The following LIPT1 variants were observed in gnomAD, a reference collection of about 807,000 sequenced individuals.
The protein encoded by LIPT1 is lipoyl amidotransferase LIPT1, mitochondrial.
Under a neutral mutation model 25.1 loss-of-function variants are expected in LIPT1, and 22 were observed. The observed-to-expected ratio is 0.88, with a 90% CI of 0.63 to 1.25. The LOEUF (loss-of-function observed/expected upper bound fraction) is 1.25, where lower values mean the gene tolerates loss of function less well. LIPT1 is among the 50% of genes most tolerant of loss of function. The pLI is 0.00. For missense variants in LIPT1, 399 were observed against 432.8 expected (o/e 0.92, Z 0.69); for synonymous variants, 131 against 150.8 (o/e 0.87, Z 0.96).
In LIPT1 at chr2:99,162,574, C is replaced by T. The variant is rs761830524; in HGVS notation, c.617C>T (p.Ala206Val). The T allele has an allele frequency of 3.7e-6, 6 of 1,614,136 alleles. No individual in the cohort carries two copies. The highest frequency in any genetic ancestry group is 5.1e-6 in the Non-Finnish European group (6 of 1,180,036). ...PYQGIRSNAT[A>V]SIPSLVKNLL... ...CAAGGGATCAGGAGCAATGCCACTG[C>T]TAGCATACCTTCCTTAGTGAAAAAT... The change falls in exon 2 of 2, where the codon GCT becomes GTT. Residue 206 changes from alanine to valine, a missense_variant. By Grantham distance (64) the Ala-to-Val change is moderately conservative (BLOSUM62 0). Transcript: ENST00000651691.
chr2:99,161,003 C>T (rs1174513452), intron 1 of LIPT1, among the ~76,000 whole-genome samples: 1 of 151,744 alleles, frequency 6.6e-6, no homozygotes, highest in Non-Finnish European at 1.5e-5. Context: ...GTGGCTCATG[C>T]CTGTAATCCC....
chr2:99,155,760 G>A (rs552143367), intron 1 of LIPT1, among the ~76,000 whole-genome samples: 5 of 152,354 alleles, frequency 3.3e-5, no homozygotes, highest in Non-Finnish European at 7.3e-5. Context: ...GGGCACACCT[G>A]TGCCAGATGA....
intron 1 of LIPT1, among the ~76,000 whole-genome samples, chr2:99,159,644 T>C (rs529811780): frequency 5.3e-5 from 8 of 152,322 alleles, no homozygotes; most frequent in African/African-American, 1.9e-4. Flanking sequence ...TCTCCTCCCA[T>C]TTTCTATCTC....
intron 1 of LIPT1, among the ~76,000 whole-genome samples, chr2:99,159,592 C>T (rs2093773460): frequency 6.6e-6 from 1 of 152,202 alleles, no homozygotes; most frequent in Non-Finnish European, 1.5e-5. Context: ...TCTTAGCTGC[C>T]TTTTAAAAAG....
chr2:99,162,400 C>T lies in LIPT1; in HGVS notation c.443C>T (p.Ala148Val). Reference sequence around the variant, plus strand: ...GTCCAACCCCAGCTGGATGTGCAGGCTACCAAAAGATTTGACCTTTTACTT... The same window carrying T: ...GTCCAACCCCAGCTGGATGTGCAGGTTACCAAAAGATTTGACCTTTTACTT... ...NAVQPQLDVQ[A>V]TKRFDLLLDG... Residue 148 changes from alanine to valine, a missense_variant, in exon 2 of 2, where the codon GCT (alanine) becomes GTT (valine). Physicochemically the swap from Ala to Val is moderately conservative, Grantham distance 64 (BLOSUM62 0). Coordinates refer to ENST00000651691, the MANE Select transcript of LIPT1 (RefSeq NM_145199.3). 6.2e-7 allele frequency: 1 copy of T among 1,613,944 alleles called. No individual in the cohort carries two copies. The highest frequency in any genetic ancestry group is 2.2e-5 in the East Asian group (1 of 44,890).
Position 99,160,460 on chromosome 2 carries a change from A to G in LIPT1, c.-1-1497A>G, listed in dbSNP as rs1409354762. Among the ~76,000 whole-genome samples the G allele has an allele frequency of 2.0e-5, 3 of 152,224 alleles. No homozygotes were observed. In the East Asian group the frequency reaches 5.8e-4, roughly 29 times the overall value. Reference sequence around the variant, plus strand: ...AACCAAACTCTTAACCTCAAGTTATACACTTTAATAATCCATTCTATTCCC... The same window carrying G: ...AACCAAACTCTTAACCTCAAGTTATGCACTTTAATAATCCATTCTATTCCC... On this transcript the variant is annotated intron_variant, in intron 1 of 1. Coordinates refer to ENST00000651691, the MANE Select transcript of LIPT1 (RefSeq NM_145199.3).
intron 1 of LIPT1, chr2:99,156,685 G>A (rs1235570489): frequency 6.6e-6 from 1 of 152,156 alleles, no homozygotes; most frequent in African/African-American, 2.4e-5. Context: ...TAATACCTTT[G>A]TTGTGTTTTA....
intron 1 of LIPT1, chr2:99,161,341 T>TATATATA (rs2093791062): frequency 9.3e-6 from 1 of 107,254 alleles, no homozygotes; most frequent in Non-Finnish European, 1.8e-5. Flanking sequence ...TATATATAGA[T>TATATATA]TGAATGTCGA....
At chr2:99,159,872 C>T (rs1433084721) in intron 1 of LIPT1, among the ~76,000 whole-genome samples, 2 of 152,170 alleles carry the variant, frequency 1.3e-5, no homozygotes, top group Non-Finnish European at 2.9e-5. Flanking sequence ...CCAAACATAC[C>T]TTACTATTAG....
chr2:99,162,479 C>G lies in LIPT1; in HGVS notation c.522C>G (p.Ala174=), dbSNP rs767133038. The G allele has an allele frequency of 1.7e-5, 28 of 1,614,106 alleles. No homozygotes were observed. The South Asian group carries it at 2.7e-4, about 16-fold the overall frequency. Residue 174 remains alanine (A), a synonymous_variant, in exon 2 of 2, where the codon GCC becomes GCG. Transcript: ENST00000651691. ...GTASKIGRTT[A]YHHCTLLCST... Reference sequence around the variant, plus strand: ...CTTCTAAGATCGGCCGGACTACTGCCTATCACCATTGCACTTTATTATGTA... The same window carrying G: ...CTTCTAAGATCGGCCGGACTACTGCGTATCACCATTGCACTTTATTATGTA...
intron 1 of LIPT1, among the ~76,000 whole-genome samples, chr2:99,158,394 G>T (rs1042380345): frequency 8.0e-6 from 1 of 124,328 alleles, no homozygotes; most frequent in African/African-American, 3.2e-5. Flanking sequence ...AGGAGTTTGA[G>T]ACCAGCCTGG....
chr2:99,158,265 T>C (rs2093766317), intron 1 of LIPT1, among the ~76,000 whole-genome samples: 1 of 152,090 alleles, frequency 6.6e-6, no homozygotes, highest in African/African-American at 2.4e-5. Flanking sequence ...TATTGCCAAG[T>C]ATTGTACATT....
intron 1 of LIPT1, among the ~76,000 whole-genome samples, chr2:99,157,811 T>C (rs1488334617): frequency 2.0e-5 from 3 of 152,238 alleles, no homozygotes. Context: ...CACCTTCCTG[T>C]GGCCTCAGTT....
intron 1 of LIPT1, among the ~76,000 whole-genome samples, chr2:99,158,998 G>C (rs775776610): frequency 3.3e-5 from 5 of 152,068 alleles, no homozygotes; most frequent in South Asian, 2.1e-4. Context: ...GCACGATCTC[G>C]GCTCACTGCA....
chr2:99,157,515 T>A (rs760794103), intron 1 of LIPT1, among the ~76,000 whole-genome samples: 5 of 152,220 alleles, frequency 3.3e-5, no homozygotes, highest in Non-Finnish European at 7.3e-5. Flanking sequence ...ACCTTGGGCC[T>A]CCTATTTACT....
chr2:99,161,939 G>T lies in LIPT1; in HGVS notation c.-1-18G>T, dbSNP rs200839222. On this transcript the variant is annotated intron_variant, in intron 1 of 1. Transcript: ENST00000651691. ...CTTTTCTCGATGAATTAATTTGTTT[G>T]TCTTCCATTTTTAAAAGCATGCTGA... is the stretch of plus-strand genomic sequence containing the variant. The T allele has an allele frequency of 1.1e-5, 17 of 1,551,348 alleles. No homozygotes were observed. The East Asian group carries it at 3.4e-4, about 31-fold the overall frequency.
At chr2:99,161,900 A>G (rs577071223) in intron 1 of LIPT1, 57 bp from the exon 2 acceptor site, 1 of 1,399,122 alleles carries the variant, frequency 7.1e-7, no homozygotes, top group South Asian at 1.4e-5. Context: ...GTTAGAAAAT[A>G]GAATTTAATG....
At chr2:99,157,983 A>G (rs916278042) in intron 1 of LIPT1, among the ~76,000 whole-genome samples, 1 of 152,258 alleles carries the variant, frequency 6.6e-6, no homozygotes, top group Admixed American at 6.5e-5. Flanking sequence ...TAGTTAGCAC[A>G]TATTGTGTAC....
rs147665512 is a variant in LIPT1 at position 99,162,077 on chromosome 2, T to C, written c.120T>C (p.Asp40=). The C allele has an allele frequency of 6.2e-7, 1 of 1,614,172 alleles. No individual in the cohort carries two copies. Among genetic ancestry groups the C allele is most frequent in the African/African-American group, 1.3e-5 (1 of 75,046 alleles). The part of the protein sequence containing the change: ...NGLILQSISN[D]VYQNLAVEDW... ...TCATTTTACAGTCAATTTCCAATGA[T>C]GTCTATCAAAATCTGGCTGTGGAAG... Residue 40 remains aspartate, a synonymous_variant, in exon 2 of 2, where the codon GAT becomes GAC. Coordinates refer to ENST00000651691, the MANE Select transcript of LIPT1 (RefSeq NM_145199.3).
Sources: allele counts gnomAD v4.1 joint callset (sites outside exome capture counted in the v4.1 genomes callset), GRCh38; gene constraint gnomAD v4.1.1; transcripts MANE v1.5; gene names NCBI Gene and HGNC (gene_info 2026-07-23, HGNC 2026-07-21).